Variants in ASB5 observed in about 807,000 individuals in gnomAD.
ASB5 encodes ankyrin repeat and SOCS box containing 5.
Under a neutral mutation model 42.1 loss-of-function variants are expected in ASB5, and 45 were observed. That is an observed-to-expected ratio of 1.07 (90% CI 0.84 to 1.37). ASB5 has a LOEUF of 1.37. Among genes scored for constraint, ASB5 ranks in the 40% most tolerant of loss-of-function variants. The pLI is 0.00. For missense variants in ASB5, 402 were observed against 399.8 expected (o/e 1.01, Z -0.05); for synonymous variants, 147 against 150.6 (o/e 0.98, Z 0.18).
At chr4:176,264,239 G>T (rs984944361) in intron 1 of ASB5, among the ~76,000 whole-genome samples, 6 of 152,154 alleles carry the variant, frequency 3.9e-5, no homozygotes, top group Non-Finnish European at 7.3e-5. Flanking sequence ...TTATCTTGAT[G>T]AATTTTCCAC....
intron 1 of ASB5, among the ~76,000 whole-genome samples, chr4:176,254,751 A>T (rs930671896): frequency 6.6e-6 from 1 of 152,250 alleles, no homozygotes; most frequent in African/African-American, 2.4e-5. Context: ...ACATGAAAAG[A>T]CACTTCTCAA....
intron 1 of ASB5, among the ~76,000 whole-genome samples, chr4:176,252,734 G>A (rs943333503): frequency 2.0e-5 from 3 of 152,222 alleles, no homozygotes; most frequent in Admixed American, 2.0e-4. Flanking sequence ...GACACTGCCT[G>A]TTTTGTAATA....
intron 6 of ASB5, 148 bp from the exon 7 acceptor site, chr4:176,215,875 C>T (rs961630432): frequency 1.4e-5 from 8 of 578,606 alleles, no homozygotes; most frequent in Non-Finnish European, 2.0e-5. Flanking sequence ...TTTATGTAAG[C>T]AGTTATATTG....
In ASB5 at chr4:176,215,562, A is replaced by T; in HGVS notation, c.*38T>A. 6.3e-7 allele frequency: 1 copy of T among 1,582,996 alleles called. No homozygotes were observed. The highest frequency in any genetic ancestry group is 8.6e-7 in the Non-Finnish European group (1 of 1,158,384). On this transcript the variant is annotated 3_prime_UTR_variant, in exon 7 of 7. Transcript: ENST00000296525. ...TATTCCTTAAGCAAAAGAAATAGAA[A>T]TTTTGATTTTCAAGGTATTTAGAAT...
Position 176,216,860 on chromosome 4 carries a change from T to G in ASB5, c.820A>C (p.Thr274Pro). The part of the protein sequence containing the change: ...TELLRPIDVA[T>P]SSSMVERILL... ...ATCCTTTCCACCATACTGCTAGACG[T>G]AGCTACATCTATAGGTCGCAGAAGC... Residue 274 changes from threonine (T) to proline (P), a missense_variant, in exon 6 of 7, where the codon ACG becomes CCG. By Grantham distance (38) the Thr-to-Pro change is conservative. Coordinates refer to ENST00000296525, the MANE Select transcript of ASB5 (RefSeq NM_080874.4). 6.2e-7 allele frequency: 1 copy of G among 1,612,748 alleles called. No individual in the cohort carries two copies. Among genetic ancestry groups the G allele is most frequent in the Middle Eastern group, 1.7e-4 (1 of 6,026 alleles).
At chr4:176,236,385 A>G (rs902623110) in intron 1 of ASB5, among the ~76,000 whole-genome samples, 24 of 152,176 alleles carry the variant, frequency 1.6e-4, no homozygotes, top group Non-Finnish European at 3.1e-4. Flanking sequence ...CACGCAGTCA[A>G]CACTGGATAG....
At chr4:176,276,371 C>T (rs1469567125) in intron 1 of ASB5, among the ~76,000 whole-genome samples, 1 of 152,144 alleles carries the variant, frequency 6.6e-6, no homozygotes, top group Non-Finnish European at 1.5e-5. Context: ...TACTCACTGC[C>T]TACTGTAGAC....
At chr4:176,260,898 A>G (rs1346505283) in intron 1 of ASB5, among the ~76,000 whole-genome samples, 1 of 152,028 alleles carries the variant, frequency 6.6e-6, no homozygotes, top group Non-Finnish European at 1.5e-5. Flanking sequence ...GATGGTCTCA[A>G]TCTCCTGACC....
chr4:176,223,507 C>A (rs562794349), intron 2 of ASB5, among the ~76,000 whole-genome samples: 3 of 152,156 alleles, frequency 2.0e-5, no homozygotes, highest in Non-Finnish European at 4.4e-5. Context: ...TTCTTGATAT[C>A]TTTGGTATTT....
In ASB5 at chr4:176,222,433, T is replaced by C; in HGVS notation, c.277-13A>G. 6.3e-7 allele frequency: 1 copy of C among 1,597,966 alleles called. No individual in the cohort carries two copies. Among genetic ancestry groups the C allele is most frequent in the Non-Finnish European group, 8.6e-7 (1 of 1,165,974 alleles). ...TTACATTATAACCCTAAATGTGGCA[T>C]AATTTTGAAAGGTGAGCAAAGAGTT... On this transcript the variant is annotated splice_polypyrimidine_tract_variant and intron_variant, in intron 2 of 6. Coordinates refer to ENST00000296525, the MANE Select transcript of ASB5 (RefSeq NM_080874.4).
chr4:176,232,043 ACAT>A lies in ASB5; in HGVS notation c.197-6705_197-6703del, dbSNP rs751945972. 9.2e-5 allele frequency among the ~76,000 whole-genome samples: 14 copies of A among 152,078 alleles called. No homozygotes were observed. The East Asian group carries it at 2.1e-3, about 23-fold the overall frequency. On this transcript the variant is annotated intron_variant, in intron 1 of 6. Coordinates refer to ENST00000296525, the MANE Select transcript of ASB5 (RefSeq NM_080874.4). Reference sequence around the variant, plus strand: ...TTATAAGGAGAGGGAATAAGCAATGACATTTCATATAACATGTTCATTTCAGTA... The same window carrying A: ...TTATAAGGAGAGGGAATAAGCAATGATTCATATAACATGTTCATTTCAGTA...
At chr4:176,238,896 C>T (rs1753751718) in intron 1 of ASB5, among the ~76,000 whole-genome samples, 1 of 152,158 alleles carries the variant, frequency 6.6e-6, no homozygotes, top group African/African-American at 2.4e-5. Context: ...AAGTTCTAAT[C>T]CTACCAGCTG....
chr4:176,231,876 CTT>C (rs1753556458), intron 1 of ASB5, among the ~76,000 whole-genome samples: 1 of 99,216 alleles, frequency 1.0e-5, no homozygotes, highest in African/African-American at 3.7e-5. Flanking sequence ...ACAAAAAAGT[CTT>C]TACCTGCTCC....
chr4:176,224,334 A>G (rs111490381), intron 2 of ASB5, among the ~76,000 whole-genome samples: 1 of 137,712 alleles, frequency 7.3e-6, no homozygotes, highest in Admixed American at 8.6e-5. Flanking sequence ...TCCCAGGTTC[A>G]ATTGATTCTC....
In ASB5 at chr4:176,249,208, C is replaced by CTA. The variant is rs1456634890; in HGVS notation, c.196+19704_196+19705insTA. ...TCTTGAACTTCTGACTTCAAGTAATCTGCCCGCCGCAGCCTCCCAAAGTGT... is the reference window on the plus strand; with the variant it reads ...TCTTGAACTTCTGACTTCAAGTAATCTATGCCCGCCGCAGCCTCCCAAAGTGT... On this transcript the variant is annotated intron_variant, in intron 1 of 6. Coordinates refer to ENST00000296525, the MANE Select transcript of ASB5 (RefSeq NM_080874.4). Among the ~76,000 whole-genome samples the CTA allele has an allele frequency of 3.3e-5, 5 of 152,320 alleles. No homozygotes were observed. The East Asian group carries it at 9.7e-4, about 29-fold the overall frequency.
At chr4:176,220,968 C>T (rs55654083) in intron 5 of ASB5, among the ~76,000 whole-genome samples, 187 bp downstream of exon 5, 33,949 of 151,986 alleles carry the variant, frequency 0.22, 3,977 homozygotes, top group African/African-American at 0.29. Context: ...TTATCAAGAA[C>T]GAGGTTCTTT....
intron 1 of ASB5, among the ~76,000 whole-genome samples, chr4:176,253,923 C>CA (rs1456133376): frequency 6.6e-6 from 1 of 152,082 alleles, no homozygotes; most frequent in East Asian, 1.9e-4. Context: ...ATGATCCAAA[C>CA]AAAAAAATTC....
intron 1 of ASB5, among the ~76,000 whole-genome samples, chr4:176,264,672 G>A (rs1055546455): frequency 6.6e-6 from 1 of 152,112 alleles, no homozygotes; most frequent in Non-Finnish European, 1.5e-5. Context: ...CTTTCAAGGG[G>A]TGGCCTTGGC....
rs1340700104 is a variant in ASB5, at chr4:176,221,561, T to G, written c.424A>C (p.Asn142His). Reference protein sequence around the residue: ...ITIDGVTPLFNACSQGSPSCA... With the variant: ...ITIDGVTPLFHACSQGSPSCA... ...CTTGGACTGCCTTGGGAGCATGCGT[T>G]GAATAACGGAGTCACGCCATCTATC... Residue 142 changes from asparagine to histidine, a missense_variant, in exon 4 of 7, where the codon AAC becomes CAC. By Grantham distance (68) the Asn-to-His change is moderately conservative. Coordinates refer to ENST00000296525, the MANE Select transcript of ASB5 (RefSeq NM_080874.4). 2 of 1,613,550 alleles carry G rather than the reference T, an allele frequency of 1.2e-6. No individual in the cohort carries two copies. Among genetic ancestry groups the G allele is most frequent in the East Asian group, 2.2e-5 (1 of 44,882 alleles).
Sources: gnomAD v4.1 joint callset for allele counts (sites outside exome capture counted in the v4.1 genomes callset) on GRCh38, gnomAD v4.1.1 for gene constraint, MANE v1.5 for transcripts, NCBI Gene and HGNC (gene_info 2026-07-23, HGNC 2026-07-21) for gene names.